Variants in KCNH7 observed in about 807,000 individuals in gnomAD.
The protein encoded by KCNH7 is potassium voltage-gated channel subfamily H member 7.
A neutral mutation model predicts 120.8 loss-of-function variants in KCNH7; 49 were observed. That is an observed-to-expected ratio of 0.41 (90% CI 0.32 to 0.51). The LOEUF is 0.51. Among genes scored for constraint, KCNH7 ranks in the 20% least tolerant of loss-of-function variants. KCNH7 has a pLI of 0.38. For synonymous variants in KCNH7, 547 were observed against 516.1 expected (o/e 1.06, Z -0.81); for missense variants, 1,097 against 1,446.6 (o/e 0.76, Z 3.92).
chr2:162,628,669 C>T (rs1683645786), intron 2 of KCNH7, among the ~76,000 whole-genome samples: 2 of 152,144 alleles, frequency 1.3e-5, no homozygotes, highest in South Asian at 4.1e-4. Flanking sequence ...ATTTAGCTCC[C>T]ACTTATACGT....
intron 8 of KCNH7, among the ~76,000 whole-genome samples, chr2:162,434,783 T>C (rs1483643724): frequency 1.3e-5 from 2 of 152,076 alleles, no homozygotes; most frequent in African/African-American, 4.8e-5. Context: ...TAATGATATA[T>C]ATGGTTAACA....
intron 9 of KCNH7, among the ~76,000 whole-genome samples, chr2:162,407,575 A>T (rs1363372885): frequency 6.6e-6 from 1 of 151,980 alleles, no homozygotes; most frequent in African/African-American, 2.4e-5. Flanking sequence ...CTGACTTAAA[A>T]AGGGTGTCTC....
At chr2:162,409,914 C>T (rs929112746) in intron 9 of KCNH7, among the ~76,000 whole-genome samples, 4 of 151,800 alleles carry the variant, frequency 2.6e-5, no homozygotes, top group African/African-American at 9.7e-5. Context: ...CAAAATACTG[C>T]TGGAAGAAAT....
In KCNH7 at chr2:162,396,933, A is replaced by G; in HGVS notation, c.2420T>C (p.Ile807Thr). 1 of 1,605,266 alleles carries G rather than the reference A, an allele frequency of 6.2e-7. No individual in the cohort carries two copies. Among genetic ancestry groups the G allele is most frequent in the South Asian group, 1.1e-5 (1 of 90,310 alleles). Residue 807 changes from isoleucine (I) to threonine (T), a missense_variant, in exon 11 of 16, where the codon ATA (isoleucine) becomes ACA (threonine). By Grantham distance (89) the Ile-to-Thr change is moderately conservative. Transcript: ENST00000332142. Reference protein sequence around the residue: ...IVVAILGKNDIFGEMVHLYAK... With the variant: ...IVVAILGKNDTFGEMVHLYAK... The stretch of plus-strand genomic sequence containing the variant: ...ATAAAGATGAACCATTTCTCCAAAT[A>G]TATCATTTTTTCCTAAGAAAATATA...
chr2:162,507,414 C>A (rs547721630), intron 5 of KCNH7, among the ~76,000 whole-genome samples: 1 of 151,688 alleles, frequency 6.6e-6, no homozygotes, highest in South Asian at 2.1e-4. Context: ...AGGAACCTAT[C>A]TCTTAAAAAT....
chr2:162,395,864 TA>T lies in KCNH7; in HGVS notation c.2613+875del, dbSNP rs1245343602. On this transcript the variant is annotated intron_variant, in intron 11 of 15. Coordinates refer to ENST00000332142, the MANE Select transcript of KCNH7 (RefSeq NM_033272.4). ...AGTGTTAAATCTACCCCCTCTTACCTAACTATTGACTTTAGGGTTTTTTTCC... is the reference window on the plus strand; with the variant it reads ...AGTGTTAAATCTACCCCCTCTTACCTACTATTGACTTTAGGGTTTTTTTCC... 9.2e-5 allele frequency among the ~76,000 whole-genome samples: 14 copies of T among 151,844 alleles called. No homozygotes were observed. In the East Asian group the frequency reaches 2.7e-3, roughly 30 times the overall value.
intron 2 of KCNH7, among the ~76,000 whole-genome samples, chr2:162,599,641 T>G: frequency 6.7e-6 from 1 of 148,512 alleles, no homozygotes; most frequent in East Asian, 2.0e-4. Context: ...ATGTGGTCTC[T>G]TTTTTTTTTA....
intron 2 of KCNH7, among the ~76,000 whole-genome samples, chr2:162,753,495 CA>C (rs891336528): frequency 6.6e-6 from 1 of 152,128 alleles, no homozygotes; most frequent in African/African-American, 2.4e-5. Flanking sequence ...GAGCAGATGG[CA>C]AAGAGGCTGA....
chr2:162,837,759 T>C (rs1453371292), intron 1 of KCNH7, among the ~76,000 whole-genome samples: 1 of 152,214 alleles, frequency 6.6e-6, no homozygotes, highest in African/African-American at 2.4e-5. Context: ...ATTCAGTCTT[T>C]GTGGGATTTA....
At chr2:162,675,819 T>C (rs1685514082) in intron 2 of KCNH7, among the ~76,000 whole-genome samples, 1 of 151,568 alleles carries the variant, frequency 6.6e-6, no homozygotes, top group African/African-American at 2.4e-5. Context: ...AATACTATTT[T>C]ATACATGTTA....
chr2:162,683,786 A>T (rs1411915845), intron 2 of KCNH7, among the ~76,000 whole-genome samples: 4 of 152,082 alleles, frequency 2.6e-5, no homozygotes, highest in African/African-American at 9.7e-5. Context: ...TAATTTATAA[A>T]TTCAATGCTA....
At chr2:162,764,516 C>A (rs1405594416) in intron 2 of KCNH7, among the ~76,000 whole-genome samples, 1 of 151,950 alleles carries the variant, frequency 6.6e-6, no homozygotes, top group African/African-American at 2.4e-5. Context: ...ACTAGAAATG[C>A]AAAATGATAC....
At chr2:162,428,559 TTA>T (rs1687944990) in intron 8 of KCNH7, among the ~76,000 whole-genome samples, 1 of 151,926 alleles carries the variant, frequency 6.6e-6, no homozygotes, top group African/African-American at 2.4e-5. Flanking sequence ...TTAGTATTAT[TTA>T]AGTTTTCTAT....
At chr2:162,721,001 G>A (rs1342648388) in intron 2 of KCNH7, among the ~76,000 whole-genome samples, 1 of 152,038 alleles carries the variant, frequency 6.6e-6, no homozygotes, top group African/African-American at 2.4e-5. Context: ...ATCCTGAGGT[G>A]CGGTGCTTGC....
chr2:162,665,831 A>G (rs1685114061), intron 2 of KCNH7, among the ~76,000 whole-genome samples: 1 of 152,094 alleles, frequency 6.6e-6, no homozygotes, highest in African/African-American at 2.4e-5. Flanking sequence ...GCTTCTTTGC[A>G]TATTTTTTCC....
chr2:162,399,666 T>A (rs1299438050), intron 10 of KCNH7, among the ~76,000 whole-genome samples: 2 of 151,950 alleles, frequency 1.3e-5, no homozygotes, highest in African/African-American at 4.8e-5. Context: ...TATCACTGGT[T>A]GTTAAGTTTA....
intron 2 of KCNH7, among the ~76,000 whole-genome samples, chr2:162,650,967 C>T (rs1187170701): frequency 6.6e-6 from 1 of 152,106 alleles, no homozygotes; most frequent in African/African-American, 2.4e-5. Context: ...GAGTAGCATT[C>T]AGAGATAGCA....
chr2:162,634,421 T>C (rs1346334439), intron 2 of KCNH7, among the ~76,000 whole-genome samples: 1 of 152,012 alleles, frequency 6.6e-6, no homozygotes, highest in Non-Finnish European at 1.5e-5. Context: ...AGAAAAAATA[T>C]TGGTACTTAA....
At chr2:162,730,922 A>G (rs1436425644) in intron 2 of KCNH7, among the ~76,000 whole-genome samples, 1 of 152,072 alleles carries the variant, frequency 6.6e-6, no homozygotes, top group Non-Finnish European at 1.5e-5. Flanking sequence ...CTAAAATTGG[A>G]TCTATCCTTA....
Sources: gnomAD v4.1 joint callset for allele counts (sites outside exome capture counted in the v4.1 genomes callset) on GRCh38, gnomAD v4.1.1 for gene constraint, MANE v1.5 for transcripts, NCBI Gene and HGNC (gene_info 2026-07-23, HGNC 2026-07-21) for gene names.